The following EYS variants were observed in gnomAD, a reference collection of about 807,000 sequenced individuals.
EYS encodes protein eyes shut homolog.
EYS carries 250 observed loss-of-function variants against 282.1 expected under a neutral mutation model. That is an observed-to-expected ratio of 0.89 (90% CI 0.80 to 0.98). The LOEUF (loss-of-function observed/expected upper bound fraction) is 0.98. EYS is among the 50% of genes least tolerant of loss of function. EYS has a pLI of 0.00. For missense variants in EYS, 4,016 were observed against 3,709.0 expected, an observed-to-expected ratio of 1.08 and a Z score of -2.15; for synonymous variants, 1,355 against 1,282.9, an observed-to-expected ratio of 1.06 and a Z score of -1.20.
intron 24 of EYS, among the ~76,000 whole-genome samples, chr6:64,613,504 T>C (rs554743185): frequency 4.1e-4 from 62 of 152,146 alleles, no homozygotes; most frequent in Non-Finnish European, 7.9e-4. Context: ...TCTTCTTAGA[T>C]TTTTAAGAAA....
chr6:64,248,829 C>G (rs573427850), intron 30 of EYS, among the ~76,000 whole-genome samples: 1 of 151,872 alleles, frequency 6.6e-6, no homozygotes, highest in Non-Finnish European at 1.5e-5. Context: ...CCAAGGCAGG[C>G]GAATTGTGTT....
chr6:64,433,620 G>A (rs942035136), intron 28 of EYS, among the ~76,000 whole-genome samples: 2 of 151,908 alleles, frequency 1.3e-5, no homozygotes, highest in African/African-American at 2.4e-5. Flanking sequence ...AAAATAAGAA[G>A]CAATGGTGTA....
intron 11 of EYS, among the ~76,000 whole-genome samples, chr6:65,298,158 A>G (rs1159574535): frequency 6.6e-6 from 1 of 152,084 alleles, no homozygotes; most frequent in East Asian, 1.9e-4. Context: ...TTAAATCTCA[A>G]TAAAGGCATC....
chr6:63,960,645 T>G (rs1161806971), intron 35 of EYS, among the ~76,000 whole-genome samples: 1 of 152,230 alleles, frequency 6.6e-6, no homozygotes, highest in Non-Finnish European at 1.5e-5. Flanking sequence ...TAACCTTCAG[T>G]GACCACTACT....
At chr6:65,078,583 G>C (rs536027910) in intron 12 of EYS, among the ~76,000 whole-genome samples, 8 of 152,030 alleles carry the variant, frequency 5.3e-5, no homozygotes, top group Non-Finnish European at 1.2e-4. Context: ...TGTAGACTGG[G>C]TAAAAACTCC....
intron 5 of EYS, among the ~76,000 whole-genome samples, chr6:65,406,069 C>G (rs1223912664): frequency 6.6e-6 from 1 of 152,002 alleles, no homozygotes; most frequent in Middle Eastern, 3.2e-3. Context: ...TCTCCACATT[C>G]TTGCCAACAT....
intron 8 of EYS, among the ~76,000 whole-genome samples, chr6:65,375,226 T>TG (rs1765316150): frequency 6.6e-6 from 1 of 152,154 alleles, no homozygotes; most frequent in Admixed American, 6.5e-5. Flanking sequence ...CCTCTGCTGG[T>TG]GATACCCAAG....
At position 64,569,448 on chromosome 6, in the gene EYS, A is replaced by G. The variant is rs183386994; in HGVS notation, c.5644+20775T>C. The stretch of plus-strand genomic sequence containing the variant: ...GCATGAAGACAAGATTAGAGAAAAA[A>G]GAATGAAAAGGAGCCGGGCGTGGTG... On this transcript the variant is annotated intron_variant, in intron 26 of 42. Coordinates refer to ENST00000503581, the MANE Select transcript of EYS (RefSeq NM_001142800.2). 6.9e-4 allele frequency among the ~76,000 whole-genome samples: 105 copies of G among 152,186 alleles called. 2 individuals are homozygous for G. Among genetic ancestry groups the G allele is most frequent in the Admixed American group, 6.9e-3 (105 of 15,298 alleles).
At chr6:65,275,159 G>A (rs573646042) in intron 12 of EYS, among the ~76,000 whole-genome samples, 1 of 152,246 alleles carries the variant, frequency 6.6e-6, no homozygotes, top group East Asian at 1.9e-4. Flanking sequence ...TCTGTTTGGA[G>A]CCTTTGATAG....
intron 31 of EYS, among the ~76,000 whole-genome samples, chr6:64,159,721 ATTT>A (rs60016965): frequency 6.6e-6 from 1 of 151,420 alleles, no homozygotes; most frequent in Non-Finnish European, 1.5e-5. Context: ...TATCCTACAT[ATTT>A]TTTTTCCGTT....
At chr6:65,043,351 A>T (rs769678030) in intron 13 of EYS, among the ~76,000 whole-genome samples, 40 of 151,542 alleles carry the variant, frequency 2.6e-4, no homozygotes, top group Non-Finnish European at 5.3e-4. Flanking sequence ...CAGCAAATGA[A>T]GTAAATGGGA....
At chr6:64,946,342 T>C (rs1316766108) in intron 14 of EYS, among the ~76,000 whole-genome samples, 1 of 152,026 alleles carries the variant, frequency 6.6e-6, no homozygotes, top group Admixed American at 6.6e-5. Flanking sequence ...AGATTTATTG[T>C]TACAGATAAA....
intron 28 of EYS, among the ~76,000 whole-genome samples, chr6:64,392,173 A>C (rs1055825323): frequency 6.6e-6 from 1 of 151,094 alleles, no homozygotes; most frequent in African/African-American, 2.5e-5. Context: ...ACACATTAAT[A>C]ATGGGAGACT....
chr6:65,179,977 G>A (rs1765331798), intron 12 of EYS, among the ~76,000 whole-genome samples: 1 of 152,098 alleles, frequency 6.6e-6, no homozygotes, highest in African/African-American at 2.4e-5. Context: ...CTCAATAGAT[G>A]CATAAAAGGC....
chr6:64,653,044 A>C (rs902982388), intron 22 of EYS, among the ~76,000 whole-genome samples: 2 of 152,166 alleles, frequency 1.3e-5, no homozygotes, highest in Non-Finnish European at 2.9e-5. Context: ...ATCTTTGCCG[A>C]TGAAAGTAAG....
At chr6:64,453,552 G>T (rs992922546) in intron 26 of EYS, among the ~76,000 whole-genome samples, 5 of 152,166 alleles carry the variant, frequency 3.3e-5, no homozygotes, top group African/African-American at 1.2e-4. Context: ...AAAGACACAT[G>T]CACATGTATG....
At chr6:65,655,044 A>C (rs1767772917) in intron 1 of EYS, among the ~76,000 whole-genome samples, 1 of 151,032 alleles carries the variant, frequency 6.6e-6, no homozygotes, top group Non-Finnish European at 1.5e-5. Context: ...TATCTTCATG[A>C]GAATTACTTT....
At chr6:64,680,670 T>A (rs940750295) in intron 22 of EYS, among the ~76,000 whole-genome samples, 1 of 152,170 alleles carries the variant, frequency 6.6e-6, no homozygotes, top group East Asian at 1.9e-4. Flanking sequence ...CCCCAACTCA[T>A]AGGGCAGAAT....
intron 16 of EYS, among the ~76,000 whole-genome samples, chr6:64,906,013 A>T (rs1032539483): frequency 6.6e-6 from 1 of 151,610 alleles, no homozygotes; most frequent in East Asian, 1.9e-4. Flanking sequence ...TTAATTAAAT[A>T]ATCTAATTTC....
Sources: allele counts gnomAD v4.1 joint callset (sites outside exome capture counted in the v4.1 genomes callset), GRCh38; gene constraint gnomAD v4.1.1; transcripts MANE v1.5; gene names NCBI Gene and HGNC (gene_info 2026-07-23, HGNC 2026-07-21).